The following GALK2 variants were observed in gnomAD, a reference collection of about 807,000 sequenced individuals.
GALK2 encodes N-acetylgalactosamine kinase.
A neutral mutation model predicts 52.4 loss-of-function variants in GALK2; 36 were observed. The observed-to-expected ratio is 0.69, with a 90% CI of 0.53 to 0.91. GALK2 has a LOEUF of 0.91. Ranked by LOEUF, GALK2 falls within the 40% of genes least tolerant of loss-of-function variation. GALK2 has a pLI of 0.00. For missense variants in GALK2, 579 were observed against 559.1 expected (o/e 1.04, Z -0.36); for synonymous variants, 176 against 199.1 (o/e 0.88, Z 0.98).
Position 49,329,777 on chromosome 15 carries a change from A to G in GALK2, c.*1618A>G. On this transcript the variant is annotated 3_prime_UTR_variant, in exon 10 of 10. Transcript: ENST00000560031. The stretch of plus-strand genomic sequence containing the variant: ...TCCACAAAGGATTTGTGGTTGGTAT[A>G]TAATTCTTTAAAGATACCTGGATCA... 2.1e-6 allele frequency: 2 copies of G among 957,186 alleles called. No homozygotes were observed. The highest frequency in any genetic ancestry group is 2.5e-6 in the Non-Finnish European group (2 of 805,010). 59.3% of individuals were successfully genotyped at this position (957,186 alleles called of 1,614,324 possible).
intron 3 of GALK2, among the ~76,000 whole-genome samples, chr15:49,225,842 G>A (rs77878623): frequency 6.6e-5 from 10 of 152,216 alleles, no homozygotes; most frequent in Non-Finnish European, 2.9e-5. Flanking sequence ...TGTGCTGGGG[G>A]ATTCCAACTG....
chr15:49,225,282 T>C (rs1309649664), intron 3 of GALK2: 6 of 455,028 alleles, frequency 1.3e-5, no homozygotes, highest in East Asian at 6.9e-5. Flanking sequence ...ACTGGTCCTG[T>C]AGAGCAGGGT....
rs375693032 is a variant in GALK2, at chr15:49,319,750, C to T, written c.1114C>T (p.Arg372Trp). 23 of 1,613,936 alleles carry T rather than the reference C, an allele frequency of 1.4e-5. No homozygotes were observed. Among genetic ancestry groups the T allele is most frequent in the East Asian group, 4.5e-5 (2 of 44,880 alleles). Reference protein sequence around the residue: ...ELMNQSHMSCRDMYECSCPEL... With the variant: ...ELMNQSHMSCWDMYECSCPEL... Reference sequence around the variant, plus strand: ...GATGAACCAGAGCCACATGAGCTGCCGGGACATGTATGAGTGCAGCTGCCC... The same window carrying T: ...GATGAACCAGAGCCACATGAGCTGCTGGGACATGTATGAGTGCAGCTGCCC... The change falls in exon 9 of 10, where the codon CGG becomes TGG. Residue 372 changes from arginine to tryptophan, a missense_variant. Coordinates refer to ENST00000560031, the MANE Select transcript of GALK2 (RefSeq NM_002044.4).
At chr15:49,157,330 T>A (rs2141142335) in intron 1 of GALK2, among the ~76,000 whole-genome samples, 1 of 152,302 alleles carries the variant, frequency 6.6e-6, no homozygotes, top group African/African-American at 2.4e-5. Flanking sequence ...ACTAACAGTA[T>A]TTCCCAAATA....
intron 5 of GALK2, among the ~76,000 whole-genome samples, chr15:49,258,518 G>A (rs1390912574): frequency 2.0e-5 from 3 of 152,042 alleles, no homozygotes; most frequent in Non-Finnish European, 2.9e-5. Context: ...ACACAATGAA[G>A]TAGGTAATTA....
chr15:49,189,681 G>A (rs2086593747), intron 1 of GALK2, among the ~76,000 whole-genome samples: 1 of 152,078 alleles, frequency 6.6e-6, no homozygotes, highest in South Asian at 2.1e-4. Flanking sequence ...ACAATACAGA[G>A]TCAAGCTGAT....
At chr15:49,322,142 A>G (rs1408331839) in intron 9 of GALK2, among the ~76,000 whole-genome samples, 2 of 152,122 alleles carry the variant, frequency 1.3e-5, no homozygotes, top group African/African-American at 2.4e-5. Flanking sequence ...AGTACCTTTT[A>G]TTTATCTTTT....
In GALK2 at chr15:49,353,323, TC is replaced by T. The variant is rs539678028; in HGVS notation, c.427-14166del. 1.0e-3 allele frequency among the ~76,000 whole-genome samples: 159 copies of T among 152,280 alleles called. 1 individual carries two copies. The highest frequency in any genetic ancestry group is 3.8e-3 in the African/African-American group (158 of 41,556). ...CAAGGGTTTTATGTTTCCTCTCTGA[TC>T]CTCATCTTCCTCTTCCCTTCGCCTG... On this transcript the variant is annotated intron_variant, in intron 3 of 3. Coordinates refer to the GALK2 transcript ENST00000558399.
intron 3 of GALK2, among the ~76,000 whole-genome samples, chr15:49,232,199 T>A (rs1424963816): frequency 6.6e-6 from 1 of 152,222 alleles, no homozygotes; most frequent in Non-Finnish European, 1.5e-5. Flanking sequence ...CTCTGAACAT[T>A]GGCAGGCTAA....
intron 1 of GALK2, chr15:49,158,921 G>T (rs2084547075): frequency 6.6e-6 from 1 of 152,206 alleles, no homozygotes; most frequent in Admixed American, 6.5e-5. Context: ...GAACTCCTTG[G>T]TTTAAGTGAC....
chr15:49,300,789 A>G (rs1372771801), intron 8 of GALK2, among the ~76,000 whole-genome samples: 1 of 152,140 alleles, frequency 6.6e-6, no homozygotes, highest in East Asian at 1.9e-4. Context: ...CCATGATTAT[A>G]AGTTCCTGAG....
intron 5 of GALK2, among the ~76,000 whole-genome samples, chr15:49,261,252 G>T (rs1006631376): frequency 6.7e-6 from 1 of 148,238 alleles, no homozygotes; most frequent in Non-Finnish European, 1.5e-5. Flanking sequence ...TTGAGCAGTG[G>T]TTTGTAGTTC....
intron 9 of GALK2, 143 bp downstream of exon 9, chr15:49,319,948 A>C: frequency 1.4e-6 from 1 of 698,792 alleles, no homozygotes; most frequent in East Asian, 2.7e-5. Context: ...ATACAGAGCT[A>C]CACTTGTTCC....
At chr15:49,215,964 T>C (rs1224180815) in intron 2 of GALK2, among the ~76,000 whole-genome samples, 1 of 152,238 alleles carries the variant, frequency 6.6e-6, no homozygotes, top group Non-Finnish European at 1.5e-5. Context: ...AAGGAGGTGC[T>C]CTAAGCCCAG....
At chr15:49,192,089 A>G (rs187053813) in intron 1 of GALK2, among the ~76,000 whole-genome samples, 3 of 152,216 alleles carry the variant, frequency 2.0e-5, no homozygotes, top group Admixed American at 6.5e-5. Context: ...ACATGTCACT[A>G]TCATTGAGCA....
At chr15:49,262,854 T>A (rs2092188328) in intron 5 of GALK2, among the ~76,000 whole-genome samples, 1 of 144,764 alleles carries the variant, frequency 6.9e-6, no homozygotes, top group Non-Finnish European at 1.5e-5. Flanking sequence ...AGCAGGTTGT[T>A]CAGTTTCCAT....
At position 49,331,737 on chromosome 15, in the gene GALK2, G is replaced by T; in HGVS notation, c.*3578G>T. On this transcript the variant is annotated 3_prime_UTR_variant, in exon 10 of 10. Transcript: ENST00000560031. ...ATATTGTCCAGTCTATATAAAAGAA[G>T]CTAGAGAGAGAATTCTCAATTATTT... 2 of 1,195,014 alleles carry T rather than the reference G, an allele frequency of 1.7e-6. No individual in the cohort carries two copies. The highest frequency in any genetic ancestry group is 2.5e-6 in the Non-Finnish European group (2 of 798,916). 74.0% of individuals were successfully genotyped at this position (1,195,014 alleles called of 1,614,324 possible).
chr15:49,242,507 G>T (rs1275428646), intron 5 of GALK2, among the ~76,000 whole-genome samples: 1 of 152,194 alleles, frequency 6.6e-6, no homozygotes, highest in Non-Finnish European at 1.5e-5. Context: ...AAAATAACTA[G>T]CCTGTTTGAT....
chr15:49,230,834 A>T (rs1002452923), intron 3 of GALK2, among the ~76,000 whole-genome samples: 3 of 152,226 alleles, frequency 2.0e-5, no homozygotes, highest in African/African-American at 7.2e-5. Flanking sequence ...TTTTCTCAGA[A>T]TTCTACAAAC....
Sources: allele counts gnomAD v4.1 joint callset (sites outside exome capture counted in the v4.1 genomes callset), GRCh38; gene constraint gnomAD v4.1.1; transcripts MANE v1.5; gene names NCBI Gene and HGNC (gene_info 2026-07-23, HGNC 2026-07-21).